PLA2G15: variants seen among roughly 807,000 people sequenced by gnomAD.
PLA2G15 encodes lysosomal phospholipase A and acyltransferase.
Under a neutral mutation model 40.9 loss-of-function variants are expected in PLA2G15, and 20 were observed. The observed-to-expected ratio is 0.49, with a 90% CI of 0.34 to 0.71. PLA2G15 has a LOEUF of 0.71. PLA2G15 is among the 30% of genes least tolerant of loss of function. The pLI, the probability that PLA2G15 is intolerant of heterozygous loss-of-function variation, is 0.01. For synonymous variants in PLA2G15, 223 were observed against 228.2 expected (o/e 0.98, Z 0.21); for missense variants, 471 against 541.9 (o/e 0.87, Z 1.30).
At chr16:68,253,691 G>GTTTTTTTT (rs58831503) in intron 2 of PLA2G15, among the ~76,000 whole-genome samples, 18 of 124,926 alleles carry the variant, frequency 1.4e-4, no homozygotes, top group Middle Eastern at 4.4e-3. Flanking sequence ...GTTTTGTTTT[G>GTTTTTTTT]TTTTTTTTTT....
At chr16:68,258,590 G>A (rs116645762) in intron 5 of PLA2G15, among the ~76,000 whole-genome samples, 1 of 152,078 alleles carries the variant, frequency 6.6e-6, no homozygotes, top group African/African-American at 2.4e-5. Context: ...AGCAAACTGG[G>A]CAACATAGCA....
At position 68,255,244 on chromosome 16, in the gene PLA2G15, G is replaced by A. The variant is rs1252693879; in HGVS notation, c.404-38G>A. Reference sequence around the variant, plus strand: ...GGCATAGTGTAGGTGGCCGGCACTAGCTGTATCTTTTCTTATCCTCTGTAT... The same window carrying A: ...GGCATAGTGTAGGTGGCCGGCACTAACTGTATCTTTTCTTATCCTCTGTAT... On this transcript the variant is annotated intron_variant, in intron 3 of 5. Coordinates refer to ENST00000219345, the MANE Select transcript of PLA2G15 (RefSeq NM_012320.4). The surrounding 1 kb of genome is among the most constrained non-coding windows in gnomAD (Gnocchi z 5.9). 1 of 1,474,856 alleles carries A rather than the reference G, an allele frequency of 6.8e-7. No individual in the cohort carries two copies. Among genetic ancestry groups the A allele is most frequent in the Non-Finnish European group, 9.5e-7 (1 of 1,054,722 alleles). The allele number at this position is 1,474,856 out of a possible 1,614,324, so 91.4% of individuals were successfully genotyped here.
chr16:68,254,200 G>A (rs541954898), intron 2 of PLA2G15, among the ~76,000 whole-genome samples: 41 of 152,236 alleles, frequency 2.7e-4, no homozygotes, highest in Non-Finnish European at 4.1e-4. Context: ...GTAGGGTCAC[G>A]GGGGAGAGGG....
intron 2 of PLA2G15, among the ~76,000 whole-genome samples, chr16:68,253,712 C>A: frequency 9.6e-6 from 1 of 104,348 alleles, no homozygotes; most frequent in African/African-American, 4.0e-5. Flanking sequence ...TTTTTTGAGA[C>A]AGGGTCTTAC....
chr16:68,249,572 G>A, intron 2 of PLA2G15, 126 bp downstream of exon 2: 1 of 788,216 alleles, frequency 1.3e-6, no homozygotes, highest in South Asian at 1.7e-5. Flanking sequence ...TCCTCGGTCT[G>A]GTCTGGTCTG....
intron 1 of PLA2G15, 53 bp downstream of exon 1, chr16:68,245,606 G>A (rs1294163193): frequency 1.3e-6 from 2 of 1,536,362 alleles, no homozygotes; most frequent in East Asian, 2.4e-5. Flanking sequence ...CGGGCCGCGG[G>A]CGGGGCTGCC....
intron 2 of PLA2G15, among the ~76,000 whole-genome samples, chr16:68,251,905 C>A (rs1182868867): frequency 6.6e-6 from 1 of 151,856 alleles, no homozygotes; most frequent in Non-Finnish European, 1.5e-5. Context: ...GCTAGCTGCT[C>A]CTCCAGGTGC....
chr16:68,252,265 G>A (rs1011898621), intron 2 of PLA2G15, among the ~76,000 whole-genome samples: 5 of 152,216 alleles, frequency 3.3e-5, no homozygotes, highest in Non-Finnish European at 7.3e-5. Context: ...TGGGCCTCCA[G>A]GACCTGTTAT....
In PLA2G15 at chr16:68,249,341, TG is replaced by T; in HGVS notation, c.181del (p.Val61CysfsTer17). The T allele has an allele frequency of 6.2e-7, 1 of 1,613,982 alleles. No individual in the cohort carries two copies. The highest frequency in any genetic ancestry group is 8.5e-7 in the Non-Finnish European group (1 of 1,179,878). On this transcript the variant is annotated frameshift_variant, in exon 2 of 6. Coordinates refer to ENST00000219345, the MANE Select transcript of PLA2G15 (RefSeq NM_012320.4). LOFTEE classifies it high-confidence loss of function. ...GAAGCCAAGCTGGACAAGCCGACAG[TG>T]GTGCACTACCTCTGCTCCAAGAAGA... ...QLEAKLDKPT[V>X]VHYLCSKKTE...
chr16:68,247,340 ACCTCTTGCAG>A (rs1430685515), intron 1 of PLA2G15, among the ~76,000 whole-genome samples: 1 of 151,998 alleles, frequency 6.6e-6, no homozygotes, highest in Non-Finnish European at 1.5e-5. Context: ...GGCCATTTCC[ACCTCTTGCAG>A]CCTCAGTCTC....
chr16:68,245,631 C>T, intron 1 of PLA2G15, 78 bp downstream of exon 1: 1 of 1,466,854 alleles, frequency 6.8e-7, no homozygotes, highest in Non-Finnish European at 9.2e-7. Flanking sequence ...CGGTCTGCTT[C>T]TGTTCCAGTC....
At chr16:68,251,096 T>TCTTTTTTTTTTTTTCAC (rs1203090626) in intron 2 of PLA2G15, among the ~76,000 whole-genome samples, 10 of 152,022 alleles carry the variant, frequency 6.6e-5, no homozygotes, top group African/African-American at 2.4e-4. Flanking sequence ...GGTGCTGTTT[T>TCTTTTTTTTTTTTTCAC]CTTTTTTTTT....
Position 68,245,455 on chromosome 16 carries a change from T to C in PLA2G15, c.29T>C (p.Val10Ala). 6.2e-7 allele frequency: 1 copy of C among 1,606,032 alleles called. No homozygotes were observed. The highest frequency in any genetic ancestry group is 8.5e-7 in the Non-Finnish European group (1 of 1,179,674). MGLHLRPYR[V>A]GLLPDGLLFL... ...GGCCTCCACCTCCGCCCCTACCGTG[T>C]GGGGCTGCTCCCGGATGGCCTCCTG... Residue 10 changes from valine to alanine, a missense_variant, in exon 1 of 6, where the codon GTG (valine) becomes GCG (alanine). By Grantham distance (64) the Val-to-Ala change is moderately conservative. Transcript: ENST00000219345.
At chr16:68,251,066 AG>A (rs2042351118) in intron 2 of PLA2G15, among the ~76,000 whole-genome samples, 1 of 151,648 alleles carries the variant, frequency 6.6e-6, no homozygotes, top group Non-Finnish European at 1.5e-5. Context: ...TTAGTCTTAC[AG>A]CAACCCCGTT....
At chr16:68,249,930 T>C (rs1169475536) in intron 2 of PLA2G15, among the ~76,000 whole-genome samples, 1 of 152,138 alleles carries the variant, frequency 6.6e-6, no homozygotes, top group East Asian at 1.9e-4. Flanking sequence ...TCTGCCCACC[T>C]TGGACTCCCA....
At chr16:68,257,081 A>G (rs1054680018) in intron 5 of PLA2G15, among the ~76,000 whole-genome samples, 1 of 151,536 alleles carries the variant, frequency 6.6e-6, no homozygotes, top group Non-Finnish European at 1.5e-5. Context: ...GGGTTTCACT[A>G]TGTTGGCCGG....
intron 5 of PLA2G15, among the ~76,000 whole-genome samples, chr16:68,257,408 A>C (rs2042410771): frequency 6.6e-6 from 1 of 152,246 alleles, no homozygotes; most frequent in Non-Finnish European, 1.5e-5. Context: ...GGGAGGAAGC[A>C]GGTGCAGATC....
At chr16:68,249,197 G>A in intron 1 of PLA2G15, 93 bp from the exon 2 acceptor site, 1 of 962,848 alleles carries the variant, frequency 1.0e-6, no homozygotes, top group South Asian at 1.5e-5. Context: ...TATTATCTGT[G>A]GCTCTTCAGG....
At chr16:68,248,835 C>A in intron 1 of PLA2G15, 1 of 466,314 alleles carries the variant, frequency 2.1e-6, no homozygotes, top group Non-Finnish European at 2.9e-6. Flanking sequence ...TCTGTGTTTG[C>A]TGGGGGTGAT....
Sources: allele counts gnomAD v4.1 joint callset (sites outside exome capture counted in the v4.1 genomes callset), GRCh38; gene constraint gnomAD v4.1.1; non-coding constraint Gnocchi (gnomAD v3.1); transcripts MANE v1.5; gene names NCBI Gene and HGNC (gene_info 2026-07-23, HGNC 2026-07-21).